ZNF536: variants seen among roughly 807,000 people sequenced by gnomAD.
ZNF536 encodes the protein zinc finger protein 536.
ZNF536 carries 13 observed loss-of-function variants against 84.5 expected under a neutral mutation model. The ratio of observed to expected loss-of-function variants is 0.15; its 90% CI spans 0.10 to 0.24. ZNF536 has a LOEUF of 0.24. Among genes scored for constraint, ZNF536 ranks in the 10% least tolerant of loss-of-function variants. ZNF536 has a pLI of 1.00. For missense variants in ZNF536, 1,536 were observed against 1,747.5 expected (o/e 0.88, Z 2.16); for synonymous variants, 811 against 742.5 (o/e 1.09, Z -1.50).
chr19:30,544,840 C>G (rs2045479395), intron 3 of ZNF536, among the ~76,000 whole-genome samples: 1 of 152,212 alleles, frequency 6.6e-6, no homozygotes, highest in South Asian at 2.1e-4. Flanking sequence ...CCCCACAGAA[C>G]ATGTGCTTCA....
chr19:30,676,377 C>A (rs1286085693), intron 1 of ZNF536, among the ~76,000 whole-genome samples: 1 of 152,158 alleles, frequency 6.6e-6, no homozygotes, highest in African/African-American at 2.4e-5. Flanking sequence ...ACTCTGTGAG[C>A]CCCTTGTCAA....
chr19:30,369,380 C>T (rs915875019), upstream of ZNF536, among the ~76,000 whole-genome samples: 14 of 152,314 alleles, frequency 9.2e-5, no homozygotes, highest in African/African-American at 3.4e-4. Context: ...AAATGTAACA[C>T]TTTTCTGAAA....
intron 2 of ZNF536, among the ~76,000 whole-genome samples, chr19:30,497,119 A>G (rs1599588499): frequency 6.6e-6 from 1 of 152,170 alleles, no homozygotes; most frequent in Non-Finnish European, 1.5e-5. Context: ...TGACACACAT[A>G]CCGAGAGACA....
At chr19:30,489,080 C>A (rs538009549) in intron 2 of ZNF536, among the ~76,000 whole-genome samples, 32 of 152,228 alleles carry the variant, frequency 2.1e-4, no homozygotes, top group African/African-American at 3.6e-4. Context: ...GGGCAGAGAA[C>A]CCACAGCTCA....
At chr19:30,338,293 T>C (rs1212130991) in intron 2 of ZNF536, among the ~76,000 whole-genome samples, 2 of 151,622 alleles carry the variant, frequency 1.3e-5, no homozygotes, top group Admixed American at 1.3e-4. Context: ...ACAATGATAA[T>C]ATGATGATGA....
At chr19:30,589,621 G>A (rs2047210200) in intron 1 of ZNF536, among the ~76,000 whole-genome samples, 2 of 152,106 alleles carry the variant, frequency 1.3e-5, no homozygotes, top group South Asian at 4.1e-4. Flanking sequence ...ATGAAGCAAG[G>A]ACAAAAAGCA....
At chr19:30,507,792 A>T (rs1420530360) in intron 2 of ZNF536, among the ~76,000 whole-genome samples, 2 of 152,226 alleles carry the variant, frequency 1.3e-5, no homozygotes, top group Non-Finnish European at 2.9e-5. Flanking sequence ...TGACTATTTT[A>T]ACCCAGTAGG....
intron 1 of ZNF536, among the ~76,000 whole-genome samples, chr19:30,268,263 AT>A (rs2025630398): frequency 6.6e-6 from 1 of 152,046 alleles, no homozygotes; most frequent in Non-Finnish European, 1.5e-5. Flanking sequence ...TAGTTAGTAA[AT>A]TTAGGATTCT....
downstream of ZNF536, among the ~76,000 whole-genome samples, chr19:30,559,842 G>C (rs1383073642): frequency 6.6e-6 from 1 of 152,180 alleles, no homozygotes; most frequent in East Asian, 1.9e-4. Flanking sequence ...CCCCTAACGG[G>C]ATCTCCAAGC....
At chr19:30,255,024 A>G (rs2024835038) in intron 1 of ZNF536, among the ~76,000 whole-genome samples, 2 of 152,256 alleles carry the variant, frequency 1.3e-5, no homozygotes, top group South Asian at 4.1e-4. Context: ...CTTATGTGAA[A>G]TGAGTTTGAT....
chr19:30,661,349 G>A (rs2050115010), intron 1 of ZNF536, among the ~76,000 whole-genome samples: 1 of 152,196 alleles, frequency 6.6e-6, no homozygotes, highest in South Asian at 2.1e-4. Context: ...ATCCTTGTGT[G>A]ATATAAGTCA....
At chr19:30,658,311 C>T (rs538444111) in intron 1 of ZNF536, among the ~76,000 whole-genome samples, 38 of 152,204 alleles carry the variant, frequency 2.5e-4, no homozygotes, top group African/African-American at 7.9e-4. Flanking sequence ...TGTGAGCAAC[C>T]GTGCCTGGCC....
intron 1 of ZNF536, among the ~76,000 whole-genome samples, chr19:30,695,143 G>A (rs192665263): frequency 6.6e-6 from 1 of 152,274 alleles, no homozygotes; most frequent in East Asian, 1.9e-4. Context: ...GCATGGTGGG[G>A]CATTCCAGGT....
At chr19:30,301,260 A>G (rs548945729) in intron 2 of ZNF536, among the ~76,000 whole-genome samples, 2 of 152,242 alleles carry the variant, frequency 1.3e-5, no homozygotes, top group Admixed American at 6.5e-5. Flanking sequence ...ATTAAACAGA[A>G]ATAACCTCTT....
At chr19:30,549,639 C>T in intron 4 of ZNF536, 125 bp downstream of exon 4, 1 of 1,112,314 alleles carries the variant, frequency 9.0e-7, no homozygotes, top group South Asian at 2.5e-5. Flanking sequence ...AAAAAACCCT[C>T]AATGCTGTAT....
At chr19:30,686,921 A>G (rs1051606200) in intron 1 of ZNF536, among the ~76,000 whole-genome samples, 2 of 152,164 alleles carry the variant, frequency 1.3e-5, no homozygotes, top group African/African-American at 4.8e-5. Flanking sequence ...TATTAGTTAC[A>G]TTACACTGTG....
intron 1 of ZNF536, among the ~76,000 whole-genome samples, chr19:30,259,404 T>C (rs1396010140): frequency 6.6e-6 from 1 of 152,192 alleles, no homozygotes; most frequent in Non-Finnish European, 1.5e-5. Flanking sequence ...ACTGTGGTCC[T>C]GGCGCAACAG....
intron 1 of ZNF536, among the ~76,000 whole-genome samples, chr19:30,570,233 G>T (rs1487241139): frequency 6.6e-6 from 1 of 152,130 alleles, no homozygotes; most frequent in East Asian, 1.9e-4. Flanking sequence ...CATTTGGCGT[G>T]CCCCCTGGAC....
chr19:30,377,220 C>T (rs2048851727), intron 1 of ZNF536, among the ~76,000 whole-genome samples: 1 of 152,278 alleles, frequency 6.6e-6, no homozygotes, highest in Admixed American at 6.5e-5. Context: ...AAGCTGGCAG[C>T]CCCTCTGGTC....
Sources: gnomAD v4.1 joint callset for allele counts (sites outside exome capture counted in the v4.1 genomes callset) on GRCh38, gnomAD v4.1.1 for gene constraint, MANE v1.5 for transcripts, NCBI Gene and HGNC (gene_info 2026-07-23, HGNC 2026-07-21) for gene names.